TCF7L2: variants seen among roughly 807,000 people sequenced by gnomAD.
The protein encoded by TCF7L2 is transcription factor 7 like 2, also known as transcription factor 7-like 2.
A neutral mutation model predicts 77.9 loss-of-function variants in TCF7L2; 23 were observed. The ratio of observed to expected loss-of-function variants is 0.30; its 90% confidence interval spans 0.21 to 0.42. TCF7L2 has a LOEUF of 0.42. Ranked by LOEUF, TCF7L2 falls within the 10% of genes least tolerant of loss-of-function variation. The probability of loss-of-function intolerance (pLI) is 1.00; values close to 1 mark genes in which losing one functional copy is unlikely to be tolerated. For synonymous variants in TCF7L2, 413 were observed against 340.2 expected, an observed-to-expected ratio of 1.21 and a Z score of -2.36; for missense variants, 654 against 793.1, an observed-to-expected ratio of 0.82 and a Z score of 2.11.
intron 4 of TCF7L2, among the ~76,000 whole-genome samples, chr10:112,992,504 T>C (rs1288607800): frequency 2.6e-5 from 4 of 152,060 alleles, no homozygotes; most frequent in African/African-American, 9.7e-5. Flanking sequence ...ATTTCTGGAA[T>C]CAAAAGGAGT....
At chr10:113,060,485 GGA>G (rs1488797696) in intron 5 of TCF7L2, among the ~76,000 whole-genome samples, 2 of 152,058 alleles carry the variant, frequency 1.3e-5, no homozygotes, top group Non-Finnish European at 2.9e-5. Context: ...GGGGGTCAGG[GGA>G]GAGGTTTCTG....
At chr10:113,018,251 G>C (rs556071261) in intron 4 of TCF7L2, among the ~76,000 whole-genome samples, 1 of 152,258 alleles carries the variant, frequency 6.6e-6, no homozygotes, top group South Asian at 2.1e-4. Context: ...TAAGAGGTGG[G>C]AGGAGGTGAA....
At chr10:113,123,574 A>T (rs2065117848) in intron 5 of TCF7L2, among the ~76,000 whole-genome samples, 1 of 152,236 alleles carries the variant, frequency 6.6e-6, no homozygotes, top group African/African-American at 2.4e-5. Context: ...ATGTGGGGGA[A>T]AAGGTAGGAA....
rs766935571 is a variant in TCF7L2 at position 113,089,492 on chromosome 10, GAAAAGGAGCCACTCCTTACA to G, written c.552+49372_552+49391del. 3 of 1,613,786 alleles carry G rather than the reference GAAAAGGAGCCACTCCTTACA, an allele frequency of 1.9e-6. No individual in the cohort carries two copies. In the African/African-American group the frequency reaches 4.0e-5, roughly 22 times the overall value. Reference sequence around the variant, plus strand: ...TCAGCACTCAAGTCTTCAGGGACATGAAAAGGAGCCACTCCTTACAAAAAGTTGGGGAGCCCTGGTGTATT... The same window carrying G: ...TCAGCACTCAAGTCTTCAGGGACATGAAAAGTTGGGGAGCCCTGGTGTATT... On this transcript the variant is annotated intron_variant, in intron 5 of 13. Transcript: ENST00000627217.
At chr10:113,092,387 C>T (rs952334373) in intron 5 of TCF7L2, among the ~76,000 whole-genome samples, 2 of 152,198 alleles carry the variant, frequency 1.3e-5, no homozygotes, top group Non-Finnish European at 2.9e-5. Flanking sequence ...GGTTCACATA[C>T]AGGCTGTATG....
At chr10:112,980,019 A>C (rs1192746923) in intron 4 of TCF7L2, among the ~76,000 whole-genome samples, 1 of 152,226 alleles carries the variant, frequency 6.6e-6, no homozygotes. Context: ...ACATATCAGG[A>C]TGTGCTTCCA....
chr10:113,161,273 C>A (rs1263206805), intron 13 of TCF7L2: 10 of 424,702 alleles, frequency 2.4e-5, no homozygotes, highest in Non-Finnish European at 1.3e-5. Context: ...ACGGCATGCA[C>A]CAGCTAAAGG....
intron 3 of TCF7L2, among the ~76,000 whole-genome samples, chr10:112,952,878 C>T (rs1022105622): frequency 1.3e-5 from 2 of 151,578 alleles, no homozygotes; most frequent in African/African-American, 4.9e-5. Context: ...CTCATCCCTC[C>T]CTCCCTCTTC....
chr10:113,012,005 G>A lies in TCF7L2; in HGVS notation c.451-28020G>A, dbSNP rs186467398. ...ACCGCCTCAAGTATTGCTCTTGAGC[G>A]TTACTGCCTCGAGTATTGCCGTTGA... On this transcript the variant is annotated intron_variant, in intron 4 of 13. Coordinates refer to ENST00000627217, the MANE Select transcript of TCF7L2 (RefSeq NM_001146274.2). Among the ~76,000 whole-genome samples, 60 of 152,126 alleles carry A rather than the reference G, an allele frequency of 3.9e-4. No individual in the cohort carries two copies. The South Asian group carries it at 6.2e-3, about 16-fold the overall frequency.
chr10:113,041,628 T>C (rs1161496031), intron 5 of TCF7L2, among the ~76,000 whole-genome samples: 1 of 152,052 alleles, frequency 6.6e-6, no homozygotes, highest in African/African-American at 2.4e-5. Flanking sequence ...AGTGCATAGG[T>C]GTAAAGAAGT....
At chr10:113,136,758 C>A (rs913847630) in intron 5 of TCF7L2, among the ~76,000 whole-genome samples, 1 of 152,192 alleles carries the variant, frequency 6.6e-6, no homozygotes, top group Non-Finnish European at 1.5e-5. Context: ...ATAGTTGCTG[C>A]TAATTTAGTT....
At chr10:112,968,742 C>T (rs893888805) in intron 4 of TCF7L2, among the ~76,000 whole-genome samples, 1 of 152,062 alleles carries the variant, frequency 6.6e-6, no homozygotes, top group African/African-American at 2.4e-5. Flanking sequence ...CCACGTTCGG[C>T]TCATTTTTTT....
intron 4 of TCF7L2, among the ~76,000 whole-genome samples, chr10:113,024,299 C>CAACAA (rs921691845): frequency 6.6e-6 from 1 of 151,958 alleles, no homozygotes; most frequent in Non-Finnish European, 1.5e-5. Context: ...GAGACTCTCA[C>CAACAA]AACAAAACAA....
rs1302716687 is a variant in TCF7L2 at position 113,159,830 on chromosome 10, T to C, written c.1319-789T>C. ...TTTTTTCTTATTTGTATCTTTCTCTTCCCCCCCCCCCCCCCTCTTTCTCTC... is the reference window on the plus strand; with the variant it reads ...TTTTTTCTTATTTGTATCTTTCTCTCCCCCCCCCCCCCCCCTCTTTCTCTC... On this transcript the variant is annotated intron_variant, in intron 12 of 13. Coordinates refer to ENST00000627217, the MANE Select transcript of TCF7L2 (RefSeq NM_001146274.2). 4.8e-3 allele frequency: 453 copies of C among 95,156 alleles called. 1 individual carries two copies. Among genetic ancestry groups the C allele is most frequent in the African/African-American group, 0.017 (44 of 2,562 alleles). The allele number at this position is 95,156 out of a possible 1,614,324, so 5.9% of individuals were successfully genotyped here. A position where few individuals can be genotyped will look rare whatever the true frequency, so the allele number is the denominator to read the frequency against.
intron 5 of TCF7L2, among the ~76,000 whole-genome samples, chr10:113,086,675 G>T (rs1016954968): frequency 6.6e-6 from 1 of 151,710 alleles, no homozygotes; most frequent in African/African-American, 2.4e-5. Context: ...ACACTGAGCA[G>T]AAAACTCAGC....
At chr10:113,023,473 T>C (rs903191540) in intron 4 of TCF7L2, among the ~76,000 whole-genome samples, 1 of 152,042 alleles carries the variant, frequency 6.6e-6, no homozygotes, top group Non-Finnish European at 1.5e-5. Context: ...AACTGTTTCT[T>C]TTTCTTTTTA....
intron 4 of TCF7L2, among the ~76,000 whole-genome samples, chr10:113,013,894 G>GT (rs569481505): frequency 5.1e-4 from 77 of 151,330 alleles, no homozygotes; most frequent in Admixed American, 2.5e-3. Context: ...TTAAGCCACT[G>GT]TTTTTTTTTG....
chr10:113,000,575 A>G (rs2044292413), intron 4 of TCF7L2, among the ~76,000 whole-genome samples: 1 of 152,204 alleles, frequency 6.6e-6, no homozygotes. Context: ...ATAGCTATTC[A>G]ATAGCTGCCA....
At chr10:113,004,373 A>G (rs991865546) in intron 4 of TCF7L2, among the ~76,000 whole-genome samples, 4 of 152,316 alleles carry the variant, frequency 2.6e-5, no homozygotes, top group African/African-American at 9.6e-5. Flanking sequence ...TGGGTGTGGA[A>G]GTTAAAGTTT....
Sources: gnomAD v4.1 joint callset for allele counts (sites outside exome capture counted in the v4.1 genomes callset) on GRCh38, gnomAD v4.1.1 for gene constraint, MANE v1.5 for transcripts, NCBI Gene and HGNC (gene_info 2026-07-23, HGNC 2026-07-21) for gene names.